The following FBXO10 variants were observed in gnomAD, a reference collection of about 807,000 sequenced individuals.
The protein encoded by FBXO10 is F-box protein 10.
In FBXO10, 39 loss-of-function variants were observed where a neutral mutation model predicts 80.7. The observed-to-expected ratio is 0.48, with a 90% CI of 0.37 to 0.63. The LOEUF (loss-of-function observed/expected upper bound fraction) is 0.63, where lower values mean the gene tolerates loss of function less well. FBXO10 is among the 30% of genes least tolerant of loss of function. FBXO10 has a pLI of 0.00. For synonymous variants in FBXO10, 449 were observed against 489.6 expected (o/e 0.92, Z 1.09); for missense variants, 1,025 against 1,269.0 (o/e 0.81, Z 2.92).
chr9:37,512,990 T>C (rs1821101278), intron 10 of FBXO10, among the ~76,000 whole-genome samples: 1 of 152,216 alleles, frequency 6.6e-6, no homozygotes, highest in African/African-American at 2.4e-5. Context: ...TTTTCCCGCT[T>C]TGAGACACTC....
At chr9:37,538,254 G>T (rs987827081) in intron 2 of FBXO10, among the ~76,000 whole-genome samples, 5 of 152,134 alleles carry the variant, frequency 3.3e-5, no homozygotes, top group Non-Finnish European at 5.9e-5. Context: ...TCAATCACGT[G>T]CCAGGGCTAG....
At position 37,531,922 on chromosome 9, in the gene FBXO10, T is replaced by C. The variant is rs374054465; in HGVS notation, c.1556A>G (p.Asn519Ser). The C allele has an allele frequency of 3.4e-5, 55 of 1,613,710 alleles. No homozygotes were observed. The highest frequency in any genetic ancestry group is 3.1e-4 in the African/African-American group (23 of 74,902). Residue 519 changes from asparagine (N) to serine (S), a missense_variant, in exon 4 of 11, where the codon AAC becomes AGC. Asn to Ser is a conservative substitution (Grantham distance 46). Transcript: ENST00000432825. Reference protein sequence around the residue: ...EAGVDIRKKSNPLILCNQIHH... With the variant: ...EAGVDIRKKSSPLILCNQIHH... ...AACACAAAGTACCAGTATGAGTGGG[T>C]TGGACTTTTTCCGGATGTCTACACC...
rs944691756 is a variant in FBXO10 at position 37,512,448 on chromosome 9, CGAGGGG to C, written c.*93_*98del. ...TTTGGAGGCCCGGGACCCATTTGTT[CGAGGGG>C]GAGGGGGAGGGGCGGAGTCTTTTCA... is the stretch of plus-strand genomic sequence containing the variant. On this transcript the variant is annotated 3_prime_UTR_variant, in exon 11 of 11. Transcript: ENST00000432825. The C allele has an allele frequency of 4.3e-6, 6 of 1,389,134 alleles. No individual in the cohort carries two copies. Among genetic ancestry groups the C allele is most frequent in the Non-Finnish European group, 5.9e-6 (6 of 1,017,694 alleles). 86.1% of individuals were successfully genotyped at this position (1,389,134 alleles called of 1,614,324 possible). A position where few individuals can be genotyped will look rare whatever the true frequency, so the allele number is the denominator to read the frequency against.
At chr9:37,575,590 C>A (rs1466840968) in intron 1 of FBXO10, 1 of 152,390 alleles carries the variant, frequency 6.6e-6, no homozygotes, top group South Asian at 2.1e-4. Flanking sequence ...GAACTGTGAT[C>A]TGAACCAGAG....
chr9:37,529,329 C>T (rs190132040), intron 4 of FBXO10, 69 bp from the exon 5 acceptor site: 21 of 1,527,002 alleles, frequency 1.4e-5, no homozygotes, highest in Non-Finnish European at 1.3e-5. Flanking sequence ...GCCCAGGTGC[C>T]GCCCACACCT....
At chr9:37,512,805 C>G in intron 10 of FBXO10, 84 bp from the exon 11 acceptor site, 11 of 1,417,422 alleles carry the variant, frequency 7.8e-6, no homozygotes, top group Non-Finnish European at 1.1e-5. Flanking sequence ...AACTTGGGTT[C>G]CAGATCGGTG....
intron 1 of FBXO10, among the ~76,000 whole-genome samples, chr9:37,566,461 A>G (rs1222788916): frequency 9.6e-6 from 1 of 103,644 alleles, no homozygotes; most frequent in East Asian, 3.6e-4. Flanking sequence ...CTGTCTCGGA[A>G]AAAAAAAAAA....
chr9:37,533,974 A>T (rs1452120851), intron 3 of FBXO10, among the ~76,000 whole-genome samples: 1 of 152,096 alleles, frequency 6.6e-6, no homozygotes, highest in Non-Finnish European at 1.5e-5. Context: ...TAAGTAATCT[A>T]GAGATGACTG....
In FBXO10 at chr9:37,537,497, A is replaced by G; in HGVS notation, c.1032T>C (p.Gly344=). Reference sequence around the variant, plus strand: ...TGTCCGGGGTCTGGGCCACCCTTTCACCATCACTACCCACCTCTGCCTCCT... The same window carrying G: ...TGTCCGGGGTCTGGGCCACCCTTTCGCCATCACTACCCACCTCTGCCTCCT... ...GSQEAEVGSD[G]ERVAQTPDSS... Residue 344 remains glycine, a synonymous_variant, in exon 3 of 11, where the codon GGT becomes GGC. Coordinates refer to ENST00000432825, the MANE Select transcript of FBXO10 (RefSeq NM_012166.3). 1 of 1,610,858 alleles carries G rather than the reference A, an allele frequency of 6.2e-7. No homozygotes were observed. Among genetic ancestry groups the G allele is most frequent in the Non-Finnish European group, 8.5e-7 (1 of 1,178,620 alleles).
intron 3 of FBXO10, among the ~76,000 whole-genome samples, chr9:37,532,813 C>G (rs1394754824): frequency 6.6e-6 from 1 of 152,182 alleles, no homozygotes; most frequent in Non-Finnish European, 1.5e-5. Context: ...AAGATTTCCC[C>G]AGGGGTCGAG....
chr9:37,521,644 C>T lies in FBXO10; in HGVS notation c.2125G>A (p.Glu709Lys), dbSNP rs1465272298. 6.2e-7 allele frequency: 1 copy of T among 1,613,956 alleles called. No individual in the cohort carries two copies. Among genetic ancestry groups the T allele is most frequent in the Non-Finnish European group, 8.5e-7 (1 of 1,179,870 alleles). ...GDAILWETEL[E>K]KEDDPLRRPI... ...CGGCGCAGTGGGTCGTCCTCCTTCT[C>T]CAGCTCTGTCTCCCAGAGGATGGCG... Residue 709 changes from glutamate to lysine, a missense_variant, in exon 8 of 11, where the codon GAG (glutamate) becomes AAG (lysine). Around this residue, in one of 3 missense-constraint regions of FBXO10, gnomAD observed 478 missense variants for 667.8 expected, o/e 0.72. Coordinates refer to ENST00000432825, the MANE Select transcript of FBXO10 (RefSeq NM_012166.3).
chr9:37,527,516 G>A (rs145976913), intron 5 of FBXO10, among the ~76,000 whole-genome samples: 3 of 152,210 alleles, frequency 2.0e-5, no homozygotes, highest in Non-Finnish European at 4.4e-5. Flanking sequence ...CCTTTTCCCT[G>A]GCCATAAAAT....
intron 1 of FBXO10, among the ~76,000 whole-genome samples, chr9:37,570,208 G>C (rs1388775900): frequency 1.3e-5 from 2 of 152,178 alleles, no homozygotes; most frequent in Non-Finnish European, 2.9e-5. Flanking sequence ...CTACTTGGGA[G>C]GCTGAGGAGG....
intron 1 of FBXO10, 30 bp from the exon 2 acceptor site, chr9:37,541,804 TTC>T: frequency 6.6e-7 from 1 of 1,513,968 alleles, no homozygotes; most frequent in East Asian, 2.3e-5. Context: ...CAAAAGAGAT[TTC>T]TGTCTATCCT....
In FBXO10 at chr9:37,541,653, C is replaced by T; in HGVS notation, c.116G>A (p.Ser39Asn). The T allele has an allele frequency of 1.2e-6, 2 of 1,613,960 alleles. No individual in the cohort carries two copies. Among genetic ancestry groups the T allele is most frequent in the Non-Finnish European group, 1.7e-6 (2 of 1,179,890 alleles). The change falls in exon 2 of 11, where the codon AGT becomes AAT. Residue 39 changes from serine to asparagine, a missense_variant. By Grantham distance (46) the Ser-to-Asn change is conservative. Transcript: ENST00000432825. ...VCRAWYELIL[S>N]LDSTRWRQLC... is the part of the protein sequence containing the mutation. ...CTGCCGCCAGCGGGTGCTGTCGAGA[C>T]TGAGGATCAGTTCATACCAGGCCCT...
chr9:37,563,874 A>T (rs1822541224), intron 1 of FBXO10, among the ~76,000 whole-genome samples: 1 of 152,266 alleles, frequency 6.6e-6, no homozygotes, highest in Non-Finnish European at 1.5e-5. Context: ...TTTTCTGGGG[A>T]GAAATTCAAG....
intron 3 of FBXO10, among the ~76,000 whole-genome samples, chr9:37,532,453 T>G (rs924898559): frequency 4.0e-5 from 6 of 151,848 alleles, no homozygotes; most frequent in Non-Finnish European, 7.4e-5. Context: ...GGCTAATTTT[T>G]GAATTTTTGT....
chr9:37,534,307 A>G (rs1564340825), intron 3 of FBXO10, among the ~76,000 whole-genome samples: 7 of 152,222 alleles, frequency 4.6e-5, no homozygotes, highest in African/African-American at 1.7e-4. Flanking sequence ...ATATACACAA[A>G]CATGGACTTT....
In FBXO10 at chr9:37,568,694, G is replaced by A. The variant is rs561641192; in HGVS notation, c.-7+7517C>T. Among the ~76,000 whole-genome samples the A allele has an allele frequency of 2.0e-3, 302 of 152,016 alleles. 1 individual carries two copies. The highest frequency in any genetic ancestry group is 6.8e-3 in the African/African-American group (281 of 41,418). On this transcript the variant is annotated intron_variant, in intron 1 of 10. Transcript: ENST00000432825. ...CATGTGGTCTAAGGTCGGAGTTCAC[G>A]TGGTCTAAGGTCGGAGTTCATGTGG...
Sources: gnomAD v4.1 joint callset for allele counts (sites outside exome capture counted in the v4.1 genomes callset) on GRCh38, gnomAD v4.1.1 for gene constraint, gnomAD v4.1.1 regional missense constraint, MANE v1.5 for transcripts, NCBI Gene and HGNC (gene_info 2026-07-23, HGNC 2026-07-21) for gene names.